GABRB3: variants seen among roughly 807,000 people sequenced by gnomAD.
GABRB3 encodes the protein gamma-aminobutyric acid type A receptor subunit beta3.
GABRB3 carries 14 observed loss-of-function variants against 52.1 expected under a neutral mutation model. The ratio of observed to expected loss-of-function variants is 0.27; its 90% CI spans 0.18 to 0.42. GABRB3 has a LOEUF of 0.42. Ranked by LOEUF, GABRB3 falls within the 10% of genes least tolerant of loss-of-function variation. The probability of loss-of-function intolerance (pLI) is 1.00; values close to 1 mark genes in which losing one functional copy is unlikely to be tolerated. For missense variants in GABRB3, 307 were observed against 609.1 expected, an observed-to-expected ratio of 0.50 and a Z score of 5.22; for synonymous variants, 260 against 232.3, an observed-to-expected ratio of 1.12 and a Z score of -1.08.
intron 3 of GABRB3, among the ~76,000 whole-genome samples, chr15:26,649,890 G>A (rs780001024): frequency 5.9e-5 from 9 of 152,036 alleles, no homozygotes; most frequent in Non-Finnish European, 1.0e-4. Flanking sequence ...TGTAATTTCC[G>A]AATCTCCTAC....
intron 3 of GABRB3, among the ~76,000 whole-genome samples, chr15:26,667,236 T>A (rs763137091): frequency 6.6e-6 from 1 of 152,202 alleles, no homozygotes; most frequent in African/African-American, 2.4e-5. Flanking sequence ...AAGTCTCCAA[T>A]GCCAGAGCCC....
chr15:26,666,221 C>G (rs1437252910), intron 3 of GABRB3, among the ~76,000 whole-genome samples: 2 of 152,216 alleles, frequency 1.3e-5, no homozygotes, highest in African/African-American at 2.4e-5. Flanking sequence ...GAAAGCATTA[C>G]TCCTTCATTC....
Position 26,773,003 on chromosome 15 carries a change from C to A in GABRB3, c.-41G>T. The A allele has an allele frequency of 7.6e-7, 1 of 1,322,476 alleles. No homozygotes were observed. Among genetic ancestry groups the A allele is most frequent in the Non-Finnish European group, 9.7e-7 (1 of 1,026,478 alleles). The allele number at this position is 1,322,476 out of a possible 1,614,324, so 81.9% of individuals were successfully genotyped here. The stretch of plus-strand genomic sequence containing the variant: ...CGGCACGGGGGAGGGGGCGCCCCGC[C>A]GCCGTCGCGACCCGCAGCCGGGGCT... On this transcript the variant is annotated 5_prime_UTR_variant, in exon 1 of 9. Coordinates refer to ENST00000311550, the MANE Select transcript of GABRB3 (RefSeq NM_000814.6).
At chr15:26,773,585 G>C, upstream of GABRB3, 1 of 1,415,934 alleles carries the variant, frequency 7.1e-7, no homozygotes, top group Non-Finnish European at 9.7e-7. Context: ...TCTGCCCGCC[G>C]GACTGCGGGC....
chr15:26,547,953 A>C lies in GABRB3; in HGVS notation c.1262T>G (p.Leu421Arg). 6.2e-7 allele frequency: 1 copy of C among 1,614,170 alleles called. No homozygotes were observed. Among genetic ancestry groups the C allele is most frequent in the Non-Finnish European group, 8.5e-7 (1 of 1,180,026 alleles). Residue 421 changes from leucine (L) to arginine (R), a missense_variant, in exon 9 of 9, where the codon CTC (leucine) becomes CGC (arginine). Coordinates refer to ENST00000311550, the MANE Select transcript of GABRB3 (RefSeq NM_000814.6). ...GHGRFLGDRS[L>R]PHKKTHLRRR... is the part of the protein sequence containing the mutation. ...CCGTAGATGGGTCTTCTTGTGCGGG[A>C]GGCTTCTGTCCCCCAGGAATCGCCC...
chr15:26,618,552 A>C (rs1892353084), intron 4 of GABRB3, among the ~76,000 whole-genome samples: 1 of 152,268 alleles, frequency 6.6e-6, no homozygotes, highest in South Asian at 2.1e-4. Flanking sequence ...AGACCTAAAA[A>C]CCATAAAAAC....
chr15:26,750,287 T>C (rs1296319794), intron 3 of GABRB3: 2 of 152,184 alleles, frequency 1.3e-5, no homozygotes, highest in African/African-American at 4.8e-5. Flanking sequence ...GTGTTAATTA[T>C]CCATTCAACC....
At chr15:26,725,106 C>CCT (rs1221628416) in intron 3 of GABRB3, among the ~76,000 whole-genome samples, 1 of 152,126 alleles carries the variant, frequency 6.6e-6, no homozygotes, top group East Asian at 1.9e-4. Flanking sequence ...TCACAGTGCC[C>CCT]CTCCTTGTAC....
chr15:26,758,996 A>C (rs1042527113), intron 3 of GABRB3, among the ~76,000 whole-genome samples: 1 of 152,176 alleles, frequency 6.6e-6, no homozygotes, highest in African/African-American at 2.4e-5. Flanking sequence ...GCTACTTCCA[A>C]GTTTGGTACA....
chr15:26,772,580 C>G, intron 2 of GABRB3, 101 bp downstream of exon 2: 1 of 1,441,412 alleles, frequency 6.9e-7, no homozygotes, highest in Non-Finnish European at 9.4e-7. Flanking sequence ...CCCCCACTCC[C>G]ACCCGCCGCT....
chr15:26,726,842 G>A (rs1889786394), intron 3 of GABRB3, among the ~76,000 whole-genome samples: 1 of 152,106 alleles, frequency 6.6e-6, no homozygotes, highest in Admixed American at 6.5e-5. Context: ...GATACCTTGA[G>A]ATTGTGCAGG....
intron 4 of GABRB3, among the ~76,000 whole-genome samples, chr15:26,592,398 TA>T (rs1203086472): frequency 6.6e-6 from 1 of 152,162 alleles, no homozygotes. Flanking sequence ...CACCAAAGCA[TA>T]AACATTCTGA....
At chr15:26,724,870 G>T (rs1167813151) in intron 3 of GABRB3, among the ~76,000 whole-genome samples, 1 of 152,018 alleles carries the variant, frequency 6.6e-6, no homozygotes, top group African/African-American at 2.4e-5. Flanking sequence ...GCTTCTAATG[G>T]GAGGCTACAC....
At chr15:26,747,781 A>G (rs1344140951) in intron 3 of GABRB3, among the ~76,000 whole-genome samples, 1 of 152,134 alleles carries the variant, frequency 6.6e-6, no homozygotes, top group African/African-American at 2.4e-5. Context: ...CAATCGGGGG[A>G]AAAAATCCAG....
chr15:26,675,967 A>G (rs1192742328), intron 3 of GABRB3, among the ~76,000 whole-genome samples: 1 of 152,192 alleles, frequency 6.6e-6, no homozygotes, highest in Non-Finnish European at 1.5e-5. Flanking sequence ...GTCAGGGCCC[A>G]GTTGAGAAGT....
chr15:26,580,206 G>C, intron 6 of GABRB3, 113 bp downstream of exon 6: 1 of 1,255,692 alleles, frequency 8.0e-7, no homozygotes, highest in Non-Finnish European at 1.2e-6. Flanking sequence ...AATGATAACA[G>C]CACTCCTTCC....
At chr15:26,773,131 A>G, upstream of GABRB3, 1 of 559,716 alleles carries the variant, frequency 1.8e-6, no homozygotes, top group East Asian at 1.2e-4. Context: ...TGGGAGAGGA[A>G]GGAGGAGCGG....
At chr15:26,750,367 C>T (rs1001162312) in intron 3 of GABRB3, among the ~76,000 whole-genome samples, 2 of 152,130 alleles carry the variant, frequency 1.3e-5, no homozygotes, top group African/African-American at 2.4e-5. Context: ...ACTGCCCTTC[C>T]GTTGCTTTTT....
At chr15:26,731,630 C>T (rs1889917879) in intron 3 of GABRB3, among the ~76,000 whole-genome samples, 1 of 152,098 alleles carries the variant, frequency 6.6e-6, no homozygotes, top group Non-Finnish European at 1.5e-5. Context: ...ATGGCCTTCC[C>T]TCCCTGCCAT....
Sources: allele counts gnomAD v4.1 joint callset (sites outside exome capture counted in the v4.1 genomes callset), GRCh38; gene constraint gnomAD v4.1.1; transcripts MANE v1.5; gene names NCBI Gene and HGNC (gene_info 2026-07-23, HGNC 2026-07-21).